ANOS1: variants seen among roughly 807,000 people sequenced by gnomAD.
The protein encoded by ANOS1 is anosmin-1.
Under a neutral mutation model 59.0 loss-of-function variants are expected in ANOS1, and 6 were observed. The observed-to-expected ratio is 0.10, with a 90% confidence interval of 0.06 to 0.20. The LOEUF is 0.20. ANOS1 is among the 10% of genes least tolerant of loss of function. The pLI is 1.00. For synonymous variants in ANOS1, 217 were observed against 223.4 expected, an observed-to-expected ratio of 0.97 and a Z score of 0.25; for missense variants, 433 against 542.3, an observed-to-expected ratio of 0.80 and a Z score of 2.00.
intron 10 of ANOS1, 34 bp from the exon 11 acceptor site, chrX:8,536,976 A>T: frequency 9.1e-7 from 1 of 1,102,720 alleles, no homozygotes; most frequent in Non-Finnish European, 1.3e-6. Context: ...TGCTAGCAAT[A>T]AATCTCATTA....
chrX:8,553,217 T>C (rs1368135263), intron 9 of ANOS1, among the ~76,000 whole-genome samples: 2 of 108,576 alleles, frequency 1.8e-5, no homozygotes, highest in Non-Finnish European at 3.8e-5. Context: ...AAAAAAAAAA[T>C]AAACAAAAAG....
intron 1 of ANOS1, among the ~76,000 whole-genome samples, chrX:8,708,839 A>G (rs1211333887): frequency 8.9e-6 from 1 of 112,274 alleles, no homozygotes; most frequent in African/African-American, 3.2e-5. Flanking sequence ...CACTATTCAC[A>G]ATAGCAAAGA....
intron 4 of ANOS1, among the ~76,000 whole-genome samples, chrX:8,596,288 A>C (rs1930734622): frequency 9.0e-6 from 1 of 110,779 alleles, no homozygotes; most frequent in Non-Finnish European, 1.9e-5. Flanking sequence ...CTGCTGCTCT[A>C]TATAACTCTT....
intron 2 of ANOS1, among the ~76,000 whole-genome samples, chrX:8,685,421 A>G (rs778553329): frequency 2.2e-3 from 232 of 107,489 alleles, no homozygotes; most frequent in African/African-American, 7.6e-3. Context: ...AACATTTGCC[A>G]CCCATAAGAA....
At chrX:8,662,728 A>C (rs758327122) in intron 2 of ANOS1, among the ~76,000 whole-genome samples, 2 of 112,686 alleles carry the variant, frequency 1.8e-5, no homozygotes, top group Admixed American at 1.9e-4. Flanking sequence ...AGAGGGAAAA[A>C]GATGTGGAGA....
chrX:8,667,740 G>C (rs1429049791), intron 2 of ANOS1, among the ~76,000 whole-genome samples: 1 of 111,180 alleles, frequency 9.0e-6, no homozygotes, highest in African/African-American at 3.3e-5. Flanking sequence ...AGTAAGGTAA[G>C]GGATTTAGTG....
intron 6 of ANOS1, among the ~76,000 whole-genome samples, chrX:8,572,757 T>C (rs1423724401): frequency 1.8e-5 from 2 of 112,107 alleles, no homozygotes; most frequent in Non-Finnish European, 3.8e-5. Flanking sequence ...GCTGATTCCC[T>C]GAGTGCAGGT....
intron 2 of ANOS1, among the ~76,000 whole-genome samples, chrX:8,691,075 CTTTTTT>C (rs200551447): frequency 1.0e-5 from 1 of 96,248 alleles, no homozygotes; most frequent in African/African-American, 3.8e-5. Flanking sequence ...AAGGAGAAAT[CTTTTTT>C]TTTTTTTTTT....
chrX:8,698,543 A>C (rs921418287), intron 2 of ANOS1, among the ~76,000 whole-genome samples: 4 of 112,260 alleles, frequency 3.6e-5, no homozygotes, highest in African/African-American at 1.3e-4. Context: ...AAGTTATCTA[A>C]AATTCCAGTT....
rs181907427 is a variant in ANOS1 at position 8,646,838 on chromosome X, C to G, written c.256-23168G>C. Among the ~76,000 whole-genome samples the G allele has an allele frequency of 3.4e-3, 358 of 104,837 alleles. 5 individuals are homozygous for G. Among genetic ancestry groups the G allele is most frequent in the African/African-American group, 0.012 (344 of 28,531 alleles). The allele number at this position is 104,837 out of a possible 115,157, so 91.0% of individuals were successfully genotyped here. The stretch of plus-strand genomic sequence containing the variant: ...ATCCCAGCTACTTGGGAGGCTAAGG[C>G]AGGAGGATTACTTGAACCCAGGAGG... On this transcript the variant is annotated intron_variant, in intron 2 of 13. Coordinates refer to ENST00000262648, the MANE Select transcript of ANOS1 (RefSeq NM_000216.4).
At chrX:8,639,558 C>T (rs1167325569) in intron 2 of ANOS1, among the ~76,000 whole-genome samples, 2 of 111,672 alleles carry the variant, frequency 1.8e-5, no homozygotes, top group South Asian at 3.8e-4. Context: ...ACTGAATGTA[C>T]GTTTATAATT....
intron 3 of ANOS1, among the ~76,000 whole-genome samples, chrX:8,619,090 A>G (rs1931230299): frequency 3.1e-5 from 3 of 96,292 alleles, no homozygotes; most frequent in African/African-American, 8.7e-5. Flanking sequence ...AAAAAAAAAA[A>G]AAAAAAAAAA....
chrX:8,706,704 G>A (rs938639883), intron 1 of ANOS1, among the ~76,000 whole-genome samples: 1 of 111,591 alleles, frequency 9.0e-6, no homozygotes, highest in Admixed American at 9.6e-5. Flanking sequence ...ACCTAAAACT[G>A]CTCTACAAAA....
chrX:8,695,396 G>C (rs1210678854), intron 2 of ANOS1, among the ~76,000 whole-genome samples: 1 of 111,743 alleles, frequency 8.9e-6, no homozygotes, highest in Non-Finnish European at 1.9e-5. Context: ...GTTTATTCTG[G>C]AGTGGCCAAG....
rs1307132205 is a variant in ANOS1, at chrX:8,550,778, GA to G, written c.1354+3173del. 5.5e-3 allele frequency among the ~76,000 whole-genome samples: 535 copies of G among 97,483 alleles called. 4 individuals are homozygous for G. Among genetic ancestry groups the G allele is most frequent in the African/African-American group, 0.017 (460 of 27,585 alleles). The allele number at this position is 97,483 out of a possible 115,157, so 84.7% of individuals were successfully genotyped here. A position where few individuals can be genotyped will look rare whatever the true frequency, so the allele number is the denominator to read the frequency against. On this transcript the variant is annotated intron_variant, in intron 9 of 13. Coordinates refer to ENST00000262648, the MANE Select transcript of ANOS1 (RefSeq NM_000216.4). The stretch of plus-strand genomic sequence containing the variant: ...ATGTATCAGAGAAGGAGATCAGAAG[GA>G]AAAAAAAAAAAGAACACTGACCCTC...
intron 1 of ANOS1, among the ~76,000 whole-genome samples, chrX:8,723,119 T>C (rs1327306573): frequency 2.7e-5 from 3 of 112,303 alleles, no homozygotes; most frequent in East Asian, 2.8e-4. Flanking sequence ...GAAGATAACA[T>C]TGGAATAACC....
chrX:8,728,233 C>A lies in ANOS1; in HGVS notation c.207+3597G>T, dbSNP rs1932937329. 3.6e-5 allele frequency among the ~76,000 whole-genome samples: 4 copies of A among 112,174 alleles called. No individual in the cohort carries two copies. In the Admixed American group the frequency reaches 3.8e-4, roughly 11 times the overall value. ...TGTGTGATGAGCCAACTTTTCAAGACCTCTGAGTTCTTCCCTAATTTAGTA... is the reference window on the plus strand; with the variant it reads ...TGTGTGATGAGCCAACTTTTCAAGAACTCTGAGTTCTTCCCTAATTTAGTA... On this transcript the variant is annotated intron_variant, in intron 1 of 13. Coordinates refer to ENST00000262648, the MANE Select transcript of ANOS1 (RefSeq NM_000216.4).
intron 3 of ANOS1, among the ~76,000 whole-genome samples, chrX:8,612,556 T>G (rs1931079361): frequency 9.2e-6 from 1 of 108,754 alleles, no homozygotes. Flanking sequence ...AAGAAGTTTT[T>G]TTTTTTTTTT....
Position 8,554,111 on chromosome X carries a change from A to G in ANOS1, c.1208-13T>C, listed in dbSNP as rs1292956564. Reference sequence around the variant, plus strand: ...ACAAGCTGTTCTTCTACAACAAAGTACAACATTCTAAGTTACTTGTTAAAA... The same window carrying G: ...ACAAGCTGTTCTTCTACAACAAAGTGCAACATTCTAAGTTACTTGTTAAAA... On this transcript the variant is annotated splice_polypyrimidine_tract_variant and intron_variant, in intron 8 of 13. Coordinates refer to ENST00000262648, the MANE Select transcript of ANOS1 (RefSeq NM_000216.4). 1 of 1,183,404 alleles carries G rather than the reference A, an allele frequency of 8.5e-7. No homozygotes were observed. Among genetic ancestry groups the G allele is most frequent in the Non-Finnish European group, 1.1e-6 (1 of 871,670 alleles).
Sources: allele counts gnomAD v4.1 joint callset (sites outside exome capture counted in the v4.1 genomes callset), GRCh38; gene constraint gnomAD v4.1.1; transcripts MANE v1.5; gene names NCBI Gene and HGNC (gene_info 2026-07-23, HGNC 2026-07-21).